Variants in ING3 observed in about 807,000 individuals in gnomAD.
ING3 encodes inhibitor of growth protein 3.
In ING3, 6 loss-of-function variants were observed where a neutral mutation model predicts 64.8. The ratio of observed to expected loss-of-function variants is 0.09; its 90% confidence interval spans 0.05 to 0.18. ING3 has a LOEUF of 0.18. Ranked by LOEUF, ING3 falls within the 10% of genes least tolerant of loss-of-function variation. The probability of loss-of-function intolerance (pLI) is 1.00; values close to 1 mark genes in which losing one functional copy is unlikely to be tolerated. For missense variants in ING3, 310 were observed against 489.7 expected, an observed-to-expected ratio of 0.63 and a Z score of 3.46; for synonymous variants, 170 against 173.7, an observed-to-expected ratio of 0.98 and a Z score of 0.17.
chr7:120,967,847 A>G (rs112491361), intron 7 of ING3, 87 bp from the exon 8 acceptor site: 5 of 1,389,864 alleles, frequency 3.6e-6, no homozygotes, highest in East Asian at 2.3e-5. Flanking sequence ...TAATGATTAT[A>G]TGTCTGTGCT....
At chr7:120,972,446 G>A (rs1796081555) in intron 10 of ING3, among the ~76,000 whole-genome samples, 1 of 152,072 alleles carries the variant, frequency 6.6e-6, no homozygotes, top group Non-Finnish European at 1.5e-5. Context: ...AGCATATCCT[G>A]TATCCTGACA....
chr7:120,952,530 A>G (rs990468989), intron 2 of ING3, among the ~76,000 whole-genome samples: 4 of 152,322 alleles, frequency 2.6e-5, no homozygotes, highest in African/African-American at 9.6e-5. Flanking sequence ...ATTTCTTTAC[A>G]GTAACTAGAA....
chr7:120,972,154 A>C (rs1197335422), intron 10 of ING3, among the ~76,000 whole-genome samples: 1 of 151,320 alleles, frequency 6.6e-6, no homozygotes, highest in Non-Finnish European at 1.5e-5. Flanking sequence ...ATGACTGTTA[A>C]TTTTTTTTTA....
intron 5 of ING3, 80 bp downstream of exon 5, chr7:120,964,918 T>A: frequency 8.7e-7 from 1 of 1,148,660 alleles, no homozygotes. Context: ...CCACAGAGGC[T>A]TTTGAAATCC....
chr7:120,972,067 G>T (rs1584995662), intron 10 of ING3, among the ~76,000 whole-genome samples: 1 of 151,452 alleles, frequency 6.6e-6, no homozygotes, highest in African/African-American at 2.4e-5. Flanking sequence ...TTTTTCTATT[G>T]TTTTTGTTAT....
At chr7:120,960,335 T>C (rs1392056018) in intron 4 of ING3, among the ~76,000 whole-genome samples, 1 of 152,172 alleles carries the variant, frequency 6.6e-6, no homozygotes, top group Non-Finnish European at 1.5e-5. Flanking sequence ...GAGTGATTCT[T>C]AGTCTAAAGC....
intron 10 of ING3, among the ~76,000 whole-genome samples, chr7:120,972,093 G>A (rs1349882508): frequency 4.6e-5 from 7 of 151,756 alleles, no homozygotes; most frequent in Admixed American, 3.9e-4. Flanking sequence ...CTAAATATTT[G>A]CTTGATTTAG....
Position 120,968,082 on chromosome 7 carries a change from T to A in ING3, c.705T>A (p.Ala235=). Residue 235 remains alanine, a synonymous_variant, in exon 8 of 12, where the codon GCT becomes GCA. Transcript: ENST00000315870. ...ITMAAAQAVQ[A]TAQMKEGRRT... ...TGGCAGCTGCTCAAGCAGTTCAGGC[T>A]ACAGCTCAGGTAAAAAGTAAAGGGT... The A allele has an allele frequency of 6.2e-7, 1 of 1,613,790 alleles. No homozygotes were observed. Among genetic ancestry groups the A allele is most frequent in the Non-Finnish European group, 8.5e-7 (1 of 1,179,902 alleles).
chr7:120,964,916 G>A, intron 5 of ING3, 78 bp downstream of exon 5: 1 of 1,171,490 alleles, frequency 8.5e-7, no homozygotes, highest in Non-Finnish European at 1.3e-6. Flanking sequence ...TCCCACAGAG[G>A]CTTTTGAAAT....
At chr7:120,962,443 A>G (rs1162269356) in intron 4 of ING3, among the ~76,000 whole-genome samples, 3 of 151,238 alleles carry the variant, frequency 2.0e-5, no homozygotes, top group Admixed American at 6.6e-5. Flanking sequence ...TTTCTGAGCT[A>G]TCTAGTATTG....
chr7:120,958,229 C>T (rs1340374332), intron 4 of ING3, among the ~76,000 whole-genome samples: 1 of 150,710 alleles, frequency 6.6e-6, no homozygotes, highest in Non-Finnish European at 1.5e-5. Context: ...TTCCCTTTCT[C>T]CTTCCCTGCC....
intron 4 of ING3, among the ~76,000 whole-genome samples, chr7:120,960,419 C>T (rs373222700): frequency 1.3e-5 from 2 of 152,054 alleles, no homozygotes; most frequent in East Asian, 3.9e-4. Flanking sequence ...TGTAGGTATG[C>T]CTTTGCTTAA....
intron 4 of ING3, among the ~76,000 whole-genome samples, chr7:120,959,489 A>G (rs967308255): frequency 6.6e-6 from 1 of 152,006 alleles, no homozygotes; most frequent in African/African-American, 2.4e-5. Context: ...AACTCAAAGC[A>G]TCTCCTTTTT....
chr7:120,971,290 C>T (rs1466357249), intron 10 of ING3, among the ~76,000 whole-genome samples: 1 of 152,192 alleles, frequency 6.6e-6, no homozygotes, highest in Non-Finnish European at 1.5e-5. Flanking sequence ...CTGCTGCCTT[C>T]TCACCGGGTC....
Position 120,973,616 on chromosome 7 carries a change from A to G in ING3, c.1140+373A>G, listed in dbSNP as rs75937992. Among the ~76,000 whole-genome samples the G allele has an allele frequency of 8.7e-3, 1,324 of 152,252 alleles. 25 individuals are homozygous for G. Among genetic ancestry groups the G allele is most frequent in the African/African-American group, 0.03 (1,239 of 41,548 alleles). The stretch of plus-strand genomic sequence containing the variant: ...TCATTCTTTCAGGCTGCACCGTGCT[A>G]AAGTGAAGGGTGGGATAATTGAGGA... On this transcript the variant is annotated intron_variant, in intron 11 of 11. Transcript: ENST00000315870.
intron 5 of ING3, 115 bp downstream of exon 5, chr7:120,964,953 CAGG>C (rs1795978905): frequency 4.0e-6 from 3 of 756,766 alleles, no homozygotes; most frequent in Non-Finnish European, 4.5e-6. Flanking sequence ...TGGTGGCATC[CAGG>C]CCAGATAGCT....
chr7:120,960,232 G>C (rs955355123), intron 4 of ING3, among the ~76,000 whole-genome samples: 10 of 152,174 alleles, frequency 6.6e-5, no homozygotes, highest in Non-Finnish European at 1.5e-4. Context: ...AGGCCGGGGT[G>C]GTTGGTCTGT....
At chr7:120,969,274 C>G in intron 9 of ING3, 70 bp downstream of exon 9, 1 of 1,223,310 alleles carries the variant, frequency 8.2e-7, no homozygotes, top group Non-Finnish European at 1.2e-6. Context: ...TTCAGCCAGG[C>G]CTCTCTATGT....
At chr7:120,954,590 A>G (rs969825200) in intron 3 of ING3, among the ~76,000 whole-genome samples, 23 of 152,190 alleles carry the variant, frequency 1.5e-4, no homozygotes, top group Admixed American at 1.5e-3. Flanking sequence ...CTAGCTTGGA[A>G]GATACCTGGA....
Sources: gnomAD v4.1 joint callset for allele counts (sites outside exome capture counted in the v4.1 genomes callset) on GRCh38, gnomAD v4.1.1 for gene constraint, MANE v1.5 for transcripts, NCBI Gene and HGNC (gene_info 2026-07-23, HGNC 2026-07-21) for gene names.